The following ABHD6 variants were observed in gnomAD, a reference collection of about 807,000 sequenced individuals.
The protein encoded by ABHD6 is abhydrolase domain containing 6, acylglycerol lipase, also known as monoacylglycerol lipase ABHD6.
Under a neutral mutation model 38.8 loss-of-function variants are expected in ABHD6, and 33 were observed. The observed-to-expected ratio is 0.85, with a 90% confidence interval of 0.64 to 1.14. ABHD6 has a LOEUF of 1.14. Ranked by LOEUF, ABHD6 falls within the 50% of genes most tolerant of loss-of-function variation. The pLI, the probability that ABHD6 is intolerant of heterozygous loss-of-function variation, is 0.00. For missense variants in ABHD6, 380 were observed against 422.6 expected, an observed-to-expected ratio of 0.90 and a Z score of 0.88; for synonymous variants, 147 against 161.6, an observed-to-expected ratio of 0.91 and a Z score of 0.69.
Position 58,251,138 on chromosome 3 carries a change from GA to G in ABHD6, c.-26+1199del, listed in dbSNP as rs1038381398. The stretch of plus-strand genomic sequence containing the variant: ...GAGTTCGAGACCAGCCCAGCATGGT[GA>G]AACCCTGTCTCTACTAAAAAGACAA... On this transcript the variant is annotated intron_variant, in intron 2 of 9. Transcript: ENST00000478253. This position sits in a 1 kb window ranked among gnomAD's most constrained non-coding sequence, Gnocchi z 5.4. Among the ~76,000 whole-genome samples, 1 of 152,064 alleles carries G rather than the reference GA, an allele frequency of 6.6e-6. No homozygotes were observed. Among genetic ancestry groups the G allele is most frequent in the African/African-American group, 2.4e-5 (1 of 41,402 alleles).
At chr3:58,258,845 G>A (rs773152227) in intron 3 of ABHD6, among the ~76,000 whole-genome samples, 4 of 152,148 alleles carry the variant, frequency 2.6e-5, no homozygotes, top group Non-Finnish European at 5.9e-5. Flanking sequence ...CTCTGGGGGC[G>A]GGAGTGGGGA....
chr3:58,252,530 A>G (rs941788234), intron 2 of ABHD6, among the ~76,000 whole-genome samples: 6 of 152,090 alleles, frequency 3.9e-5, no homozygotes, highest in Admixed American at 2.0e-4. Flanking sequence ...TAACACCACC[A>G]CACTGAGAGT....
At chr3:58,253,466 G>T (rs2037123) in intron 2 of ABHD6, among the ~76,000 whole-genome samples, 62,728 of 152,090 alleles carry the variant, frequency 0.41, 13,765 homozygotes, top group African/African-American at 0.56. Flanking sequence ...CTCCTTGAAG[G>T]TGATGCCTTT....
At chr3:58,255,060 G>A (rs2097432386) in intron 2 of ABHD6, among the ~76,000 whole-genome samples, 1 of 152,050 alleles carries the variant, frequency 6.6e-6, no homozygotes, top group Admixed American at 6.6e-5. Context: ...TGTATTATAA[G>A]CTCATAAGAC....
rs756642217 is a variant in ABHD6, at chr3:58,285,131, A to G, written c.728A>G (p.Tyr243Cys). ...GTCCGCATCCCTCATAACAACTTCT[A>G]CCGAAAGTGTAAGTAGCCCTACTTT... ...VDVRIPHNNF[Y>C]RKLFLEIVSE... Residue 243 changes from tyrosine (Y) to cysteine (C), a missense_variant, in exon 8 of 10, where the codon TAC (tyrosine) becomes TGC (cysteine). By Grantham distance (194) the Tyr-to-Cys change is radical. Transcript: ENST00000478253. This position sits in a 1 kb window ranked among gnomAD's most constrained non-coding sequence, Gnocchi z 4.9. The G allele has an allele frequency of 3.1e-6, 5 of 1,614,096 alleles. No individual in the cohort carries two copies. In the Admixed American group the frequency reaches 5.0e-5, roughly 16 times the overall value.
intron 9 of ABHD6, among the ~76,000 whole-genome samples, chr3:58,288,428 G>A (rs2097459060): frequency 6.6e-6 from 1 of 152,188 alleles, no homozygotes; most frequent in South Asian, 2.1e-4. Flanking sequence ...TTCATTTCAA[G>A]CATCGCTCCT....
chr3:58,280,650 A>G (rs973984877), intron 7 of ABHD6, among the ~76,000 whole-genome samples: 10 of 152,200 alleles, frequency 6.6e-5, no homozygotes, highest in African/African-American at 2.4e-4. Flanking sequence ...AGGAGCTGCA[A>G]TCATTTGGAG....
chr3:58,280,190 A>G (rs2097452066), intron 7 of ABHD6, among the ~76,000 whole-genome samples: 1 of 152,192 alleles, frequency 6.6e-6, no homozygotes, highest in Non-Finnish European at 1.5e-5. Flanking sequence ...GTGTTTTCCA[A>G]CTTGGTTCCA....
intron 9 of ABHD6, among the ~76,000 whole-genome samples, chr3:58,288,904 A>G (rs2097459443): frequency 6.6e-6 from 1 of 152,202 alleles, no homozygotes; most frequent in South Asian, 2.1e-4. Context: ...AACATACTGC[A>G]CTAAAATATT....
chr3:58,280,080 T>G (rs980614600), intron 7 of ABHD6, among the ~76,000 whole-genome samples: 1 of 152,180 alleles, frequency 6.6e-6, no homozygotes, highest in Non-Finnish European at 1.5e-5. Context: ...GGGTTGCTAT[T>G]CTCGAGTAGT....
intron 7 of ABHD6, among the ~76,000 whole-genome samples, chr3:58,276,343 G>A (rs1228375822): frequency 1.3e-5 from 2 of 152,184 alleles, no homozygotes; most frequent in Non-Finnish European, 2.9e-5. Flanking sequence ...TTGTGGTTTT[G>A]ATTTGCATTT....
At position 58,273,555 on chromosome 3, in the gene ABHD6, A is replaced by T. The variant is rs2097446525; in HGVS notation, c.524-1103A>T. 6.6e-6 allele frequency among the ~76,000 whole-genome samples: 1 copy of T among 152,202 alleles called. No homozygotes were observed. The highest frequency in any genetic ancestry group is 6.5e-5 in the Admixed American group (1 of 15,274). ...GAATACTATGCAGCCATAAAAAAGA[A>T]TGATTTCATGTCCTTTGCAAGGACA... On this transcript the variant is annotated intron_variant, in intron 6 of 9. Transcript: ENST00000478253. The surrounding 1 kb of genome is among the most constrained non-coding windows in gnomAD (Gnocchi z 4.8).
intron 7 of ABHD6, among the ~76,000 whole-genome samples, chr3:58,281,889 G>A (rs1440738840): frequency 1.3e-5 from 2 of 152,212 alleles, no homozygotes; most frequent in Non-Finnish European, 2.9e-5. Flanking sequence ...GCCAAGATGG[G>A]AGGATTGCTT....
chr3:58,243,261 A>C (rs946889761), intron 1 of ABHD6, among the ~76,000 whole-genome samples: 1 of 152,212 alleles, frequency 6.6e-6, no homozygotes, highest in Admixed American at 6.5e-5. Context: ...TGGGTCAAAT[A>C]GTATTTCTAG....
At position 58,238,912 on chromosome 3, in the gene ABHD6, T is replaced by C. The variant is rs1456251644; in HGVS notation, c.-91+996T>C. ...GTTTAAAGTAGTTTATAATGAATAA[T>C]AGCTGACATAGAATAAGCAAATCTT... On this transcript the variant is annotated intron_variant, in intron 1 of 9. Transcript: ENST00000478253. This position sits in a 1 kb window ranked among gnomAD's most constrained non-coding sequence, Gnocchi z 6.9. Among the ~76,000 whole-genome samples, 1 of 152,086 alleles carries C rather than the reference T, an allele frequency of 6.6e-6. No homozygotes were observed. Among genetic ancestry groups the C allele is most frequent in the Admixed American group, 6.6e-5 (1 of 15,262 alleles).
At position 58,265,410 on chromosome 3, in the gene ABHD6, C is replaced by T. The variant is rs9847192; in HGVS notation, c.120-1779C>T. 0.037 allele frequency among the ~76,000 whole-genome samples: 5,676 copies of T among 152,138 alleles called. 337 individuals carry two copies. Among genetic ancestry groups the T allele is most frequent in the African/African-American group, 0.13 (5,247 of 41,466 alleles). ...CATTCTGCAGCTGTCATATTCATTG[C>T]AAATATTTCCCCTAATTTTTCCTTT... On this transcript the variant is annotated intron_variant, in intron 3 of 9. Transcript: ENST00000478253. This position sits in a 1 kb window ranked among gnomAD's most constrained non-coding sequence, Gnocchi z 4.2.
rs545753426 is a variant in ABHD6, at chr3:58,281,130, G to A, written c.682-3955G>A. ...TGGGAGAACAACTGCTCTCTTCAGC[G>A]CTGTCAGACAGGGACATTTAAGTCT... On this transcript the variant is annotated intron_variant, in intron 7 of 9. Coordinates refer to ENST00000478253, the MANE Select transcript of ABHD6 (RefSeq NM_001320126.2). 5.3e-5 allele frequency among the ~76,000 whole-genome samples: 8 copies of A among 152,332 alleles called. No individual in the cohort carries two copies. The South Asian group carries it at 6.2e-4, about 12-fold the overall frequency.
At chr3:58,291,270 C>G (rs1477971231) in intron 9 of ABHD6, among the ~76,000 whole-genome samples, 1 of 151,352 alleles carries the variant, frequency 6.6e-6, no homozygotes, top group East Asian at 1.9e-4. Flanking sequence ...CGCAGGCACT[C>G]GGCAGGCTGA....
In ABHD6 at chr3:58,287,122, A is replaced by T. The variant is rs946981124; in HGVS notation, c.837+1669A>T. The stretch of plus-strand genomic sequence containing the variant: ...TGAGATCCCATCTCTATAAAAAATA[A>T]ATTTTTAAAAAAGTAGCCAAGCATG... On this transcript the variant is annotated intron_variant, in intron 9 of 9. Coordinates refer to ENST00000478253, the MANE Select transcript of ABHD6 (RefSeq NM_001320126.2). This position sits in a 1 kb window ranked among gnomAD's most constrained non-coding sequence, Gnocchi z 4.7. Among the ~76,000 whole-genome samples the T allele has an allele frequency of 9.3e-5, 14 of 151,328 alleles. No homozygotes were observed. The highest frequency in any genetic ancestry group is 2.6e-4 in the Admixed American group (4 of 15,146).
Sources: gnomAD v4.1 joint callset for allele counts (sites outside exome capture counted in the v4.1 genomes callset) on GRCh38, gnomAD v4.1.1 for gene constraint, Gnocchi (gnomAD v3.1) non-coding constraint, MANE v1.5 for transcripts, NCBI Gene and HGNC (gene_info 2026-07-23, HGNC 2026-07-21) for gene names.